Variants in MAPK4 observed in about 807,000 individuals in gnomAD.
MAPK4 encodes Erk3-related.
Under a neutral mutation model 47.7 loss-of-function variants are expected in MAPK4, and 22 were observed. That is an observed-to-expected ratio of 0.46 (90% CI 0.33 to 0.66). MAPK4 has a LOEUF of 0.66. Ranked by LOEUF, MAPK4 falls within the 30% of genes least tolerant of loss-of-function variation. The probability of loss-of-function intolerance (pLI) is 0.02; values close to 1 mark genes in which losing one functional copy is unlikely to be tolerated. For synonymous variants in MAPK4, 390 were observed against 365.7 expected (o/e 1.07, Z -0.76); for missense variants, 736 against 831.7 (o/e 0.88, Z 1.42).
At chr18:50,676,590 C>T (rs1039820230) in intron 2 of MAPK4, among the ~76,000 whole-genome samples, 12 of 152,188 alleles carry the variant, frequency 7.9e-5, no homozygotes, top group Non-Finnish European at 1.5e-4. Flanking sequence ...GCATGACCAG[C>T]TGTAACAGTT....
chr18:50,606,161 C>T (rs939884409), intron 1 of MAPK4, among the ~76,000 whole-genome samples: 1 of 152,048 alleles, frequency 6.6e-6, no homozygotes, highest in Non-Finnish European at 1.5e-5. Flanking sequence ...ATGGGGAGAA[C>T]CCCGCCTGCC....
intron 1 of MAPK4, among the ~76,000 whole-genome samples, chr18:50,623,192 T>G (rs758620724): frequency 6.6e-6 from 1 of 152,130 alleles, no homozygotes; most frequent in Non-Finnish European, 1.5e-5. Flanking sequence ...TGGGGGAAAC[T>G]CCATAGAGTG....
chr18:50,699,091 A>G (rs913262847), intron 2 of MAPK4, among the ~76,000 whole-genome samples: 2 of 152,210 alleles, frequency 1.3e-5, no homozygotes, highest in African/African-American at 4.8e-5. Flanking sequence ...AGAAATGCAA[A>G]GTTGGTTTAA....
intron 2 of MAPK4, 60 bp from the exon 3 acceptor site, chr18:50,715,019 C>A: frequency 6.5e-7 from 1 of 1,543,396 alleles, no homozygotes; most frequent in Non-Finnish European, 8.9e-7. Flanking sequence ...CTGGAAGAGG[C>A]GTGGGAGGAA....
chr18:50,693,054 G>A (rs758066607), intron 2 of MAPK4, among the ~76,000 whole-genome samples: 2 of 152,058 alleles, frequency 1.3e-5, no homozygotes, highest in South Asian at 2.1e-4. Context: ...CCATGAGTTC[G>A]AAACCAGCCT....
chr18:50,661,321 AG>A (rs1484729434), intron 1 of MAPK4, among the ~76,000 whole-genome samples: 1 of 152,188 alleles, frequency 6.6e-6, no homozygotes, highest in African/African-American at 2.4e-5. Flanking sequence ...CCCCTGAGTT[AG>A]GTATCCAGGC....
In MAPK4 at chr18:50,609,307, G is replaced by GC. The variant is rs549189394; in HGVS notation, c.-871+49070dup. On this transcript the variant is annotated intron_variant, in intron 1 of 5. Transcript: ENST00000400384. ...CCAGAAGGGGCGGCCAGGCAGAGGC[G>GC]CCCCCCACCTCCCGGGCGGGGCGGC... Among the ~76,000 whole-genome samples, 447 of 151,494 alleles carry GC rather than the reference G, an allele frequency of 3.0e-3. 2 individuals carry two copies. Among genetic ancestry groups the GC allele is most frequent in the African/African-American group, 0.01 (419 of 41,434 alleles).
intron 1 of MAPK4, among the ~76,000 whole-genome samples, chr18:50,655,718 A>T (rs2043102544): frequency 6.6e-6 from 1 of 152,176 alleles, no homozygotes; most frequent in South Asian, 2.1e-4. Flanking sequence ...CTCGGTGAGG[A>T]AACACCTCTG....
At chr18:50,724,610 TG>T (rs1025978884) in intron 4 of MAPK4, among the ~76,000 whole-genome samples, 1 of 152,232 alleles carries the variant, frequency 6.6e-6, no homozygotes, top group African/African-American at 2.4e-5. Flanking sequence ...ATCAGACTGT[TG>T]GGGGTGATCA....
Position 50,610,710 on chromosome 18 carries a change from A to C in MAPK4, c.-871+50467A>C, listed in dbSNP as rs559127512. On this transcript the variant is annotated intron_variant, in intron 1 of 5. Transcript: ENST00000400384. Reference sequence around the variant, plus strand: ...GACGTTATTGTGCTGCCATTTCTTTATTGATAAAACGATGAGACTGAACAG... The same window carrying C: ...GACGTTATTGTGCTGCCATTTCTTTCTTGATAAAACGATGAGACTGAACAG... Among the ~76,000 whole-genome samples, 13 of 152,302 alleles carry C rather than the reference A, an allele frequency of 8.5e-5. 1 individual carries two copies. The South Asian group carries it at 2.5e-3, about 29-fold the overall frequency.
chr18:50,638,783 G>C (rs772545313), intron 1 of MAPK4, among the ~76,000 whole-genome samples: 1 of 152,174 alleles, frequency 6.6e-6, no homozygotes, highest in Non-Finnish European at 1.5e-5. Context: ...TGCTGTTGAC[G>C]GACTGGCTGC....
chr18:50,650,959 A>G (rs2043042397), intron 1 of MAPK4, among the ~76,000 whole-genome samples: 1 of 152,208 alleles, frequency 6.6e-6, no homozygotes, highest in South Asian at 2.1e-4. Flanking sequence ...CCCCAGGCCC[A>G]AGAAATGCCA....
chr18:50,701,000 C>G (rs1454789410), intron 2 of MAPK4, among the ~76,000 whole-genome samples: 1 of 152,200 alleles, frequency 6.6e-6, no homozygotes, highest in Non-Finnish European at 1.5e-5. Flanking sequence ...CCATGCCCTT[C>G]ACGTGTTCCC....
chr18:50,648,375 C>T (rs935829819), intron 1 of MAPK4, among the ~76,000 whole-genome samples: 1 of 152,070 alleles, frequency 6.6e-6, no homozygotes, highest in Non-Finnish European at 1.5e-5. Context: ...AAGACAGGTG[C>T]AGGCATGACC....
At chr18:50,687,801 C>T (rs182806330) in intron 2 of MAPK4, among the ~76,000 whole-genome samples, 13 of 152,260 alleles carry the variant, frequency 8.5e-5, no homozygotes, top group South Asian at 6.2e-4. Flanking sequence ...CCTGTGGTCT[C>T]GAGGGCCCTG....
intron 1 of MAPK4, among the ~76,000 whole-genome samples, chr18:50,582,489 G>A (rs1226398478): frequency 6.6e-6 from 1 of 152,230 alleles, no homozygotes; most frequent in Non-Finnish European, 1.5e-5. Context: ...TGGGCAGGTG[G>A]GTAGACTAGG....
chr18:50,699,205 A>C (rs566728621), intron 2 of MAPK4, among the ~76,000 whole-genome samples: 2 of 152,328 alleles, frequency 1.3e-5, no homozygotes, highest in Admixed American at 6.5e-5. Context: ...CAAATTCAGT[A>C]TCTGTGAATG....
At chr18:50,708,828 T>C (rs972794986) in intron 2 of MAPK4, among the ~76,000 whole-genome samples, 4 of 152,098 alleles carry the variant, frequency 2.6e-5, no homozygotes, top group Non-Finnish European at 5.9e-5. Flanking sequence ...GCTGTGTGAG[T>C]ATGGACAGGC....
chr18:50,569,471 T>C (rs1466072877), intron 1 of MAPK4, among the ~76,000 whole-genome samples: 1 of 152,186 alleles, frequency 6.6e-6, no homozygotes, highest in Non-Finnish European at 1.5e-5. Context: ...TTTTGGGGCT[T>C]CAGATTTTCT....
Sources: allele counts gnomAD v4.1 joint callset (sites outside exome capture counted in the v4.1 genomes callset), GRCh38; gene constraint gnomAD v4.1.1; transcripts MANE v1.5; gene names NCBI Gene and HGNC (gene_info 2026-07-23, HGNC 2026-07-21).